Variants in NPEPL1 observed in about 807,000 individuals in gnomAD.
The protein encoded by NPEPL1 is aminopeptidase like 1.
Under a neutral mutation model 52.4 loss-of-function variants are expected in NPEPL1, and 45 were observed. The observed-to-expected ratio is 0.86, with a 90% CI of 0.68 to 1.10. The LOEUF (loss-of-function observed/expected upper bound fraction) is 1.10, where lower values mean the gene tolerates loss of function less well. Among genes scored for constraint, NPEPL1 ranks in the 50% least tolerant of loss-of-function variants. NPEPL1 has a pLI of 0.00. For missense variants in NPEPL1, 696 were observed against 710.9 expected, an observed-to-expected ratio of 0.98 and a Z score of 0.24; for synonymous variants, 360 against 314.7, an observed-to-expected ratio of 1.14 and a Z score of -1.52.
chr20:58,712,024 T>C (rs79387457), intron 7 of NPEPL1, among the ~76,000 whole-genome samples: 2,501 of 152,334 alleles, frequency 0.016, 57 homozygotes, highest in African/African-American at 0.057. Flanking sequence ...CATTTCTCAG[T>C]GAACAAATGA....
At chr20:58,701,923 A>G (rs6026453) in intron 6 of NPEPL1, among the ~76,000 whole-genome samples, 52,964 of 152,034 alleles carry the variant, frequency 0.35, 12,691 homozygotes, top group African/African-American at 0.68. Flanking sequence ...GTCGTGGCCG[A>G]GTCTGCCCGC....
chr20:58,707,038 G>A, intron 6 of NPEPL1, 85 bp from the exon 7 acceptor site: 1 of 1,374,266 alleles, frequency 7.3e-7, no homozygotes, highest in East Asian at 2.5e-5. Context: ...GGCTAGCGTG[G>A]GGCCGGGTGG....
At chr20:58,693,369 G>C (rs2084395135) in intron 1 of NPEPL1, 1 of 183,506 alleles carries the variant, frequency 5.4e-6, no homozygotes, top group African/African-American at 2.3e-5. Context: ...CTGGCGACAG[G>C]CCCTGGCTTC....
In NPEPL1 at chr20:58,694,113, G is replaced by A. The variant is rs534869985; in HGVS notation, c.336+191G>A. Among the ~76,000 whole-genome samples the A allele has an allele frequency of 9.2e-5, 14 of 152,322 alleles. No individual in the cohort carries two copies. The East Asian group carries it at 2.7e-3, about 29-fold the overall frequency. ...GATTTGCCCCAGATCAGTTTTGGTG[G>A]CAAATCAGAGACTCAAACCTAGATT... On this transcript the variant is annotated intron_variant, in intron 2 of 11. Transcript: ENST00000356091.
upstream of NPEPL1, chr20:58,691,341 A>AATG (rs2084338764): frequency 9.4e-6 from 5 of 532,776 alleles, no homozygotes; most frequent in Admixed American, 3.3e-5. Context: ...GTTTCAAAGG[A>AATG]ATGCCTTTCA....
At chr20:58,694,997 T>TGTTGCTGTGTATGAGTGTTG (rs2084434819) in intron 3 of NPEPL1, among the ~76,000 whole-genome samples, 1 of 4,786 alleles carries the variant, frequency 2.1e-4, no homozygotes, top group Non-Finnish European at 5.3e-4. Context: ...GTGGGGGGTG[T>TGTTGCTGTGTATGAGTGTTG]GTGTGTGCAT....
Position 58,714,512 on chromosome 20 carries a change from G to A in NPEPL1, c.1303-48G>A, listed in dbSNP as rs372166961. 193 of 1,386,638 alleles carry A rather than the reference G, an allele frequency of 1.4e-4. No individual in the cohort carries two copies. The African/African-American group carries it at 2.3e-3, about 17-fold the overall frequency. 85.9% of individuals were successfully genotyped at this position (1,386,638 alleles called of 1,614,324 possible). On this transcript the variant is annotated intron_variant, in intron 10 of 11. Coordinates refer to ENST00000356091, the MANE Select transcript of NPEPL1 (RefSeq NM_024663.4). ...CAGGCGATGGGGCAGGGTGGAGAGGGCCCGGCCGGAGCAACCCACAGGCAC... is the reference window on the plus strand; with the variant it reads ...CAGGCGATGGGGCAGGGTGGAGAGGACCCGGCCGGAGCAACCCACAGGCAC...
chr20:58,714,630 G>A lies in NPEPL1; in HGVS notation c.1373G>A (p.Gly458Glu), dbSNP rs1202020887. 4 of 1,596,562 alleles carry A rather than the reference G, an allele frequency of 2.5e-6. No homozygotes were observed. Among genetic ancestry groups the A allele is most frequent in the Non-Finnish European group, 1.7e-6 (2 of 1,173,178 alleles). ...TCACACATCGGCTTCGACTGGCCCG[G>A]AGTCTGGGTCCACCTGGACATTGCT... is the stretch of plus-strand genomic sequence containing the variant. ...IASHIGFDWPGVWVHLDIAAP... is the reference protein window; with the variant it reads ...IASHIGFDWPEVWVHLDIAAP... Residue 458 changes from glycine to glutamate, a missense_variant, in exon 11 of 12, where the codon GGA becomes GAA. Physicochemically the swap from Gly to Glu is moderately conservative, Grantham distance 98. Coordinates refer to ENST00000356091, the MANE Select transcript of NPEPL1 (RefSeq NM_024663.4).
intron 3 of NPEPL1, 112 bp from the exon 4 acceptor site, chr20:58,698,572 C>T: frequency 1.2e-6 from 1 of 860,130 alleles, no homozygotes; most frequent in Non-Finnish European, 1.9e-6. Context: ...GCTGCCCTGT[C>T]AGTAGCCCTG....
intron 3 of NPEPL1, among the ~76,000 whole-genome samples, chr20:58,694,961 TGA>T (rs1377195829): frequency 7.3e-5 from 4 of 54,734 alleles, no homozygotes; most frequent in Non-Finnish European, 1.6e-4. Flanking sequence ...TGTGCGTGTA[TGA>T]GTGTATGTGC....
At chr20:58,695,430 C>T (rs528267510) in intron 3 of NPEPL1, among the ~76,000 whole-genome samples, 6 of 152,264 alleles carry the variant, frequency 3.9e-5, no homozygotes, top group East Asian at 1.9e-4. Flanking sequence ...GCTGCAAGGC[C>T]GGAAGTGATT....
At chr20:58,703,518 C>G (rs2084677076) in intron 6 of NPEPL1, 1 of 985,298 alleles carries the variant, frequency 1.0e-6, no homozygotes, top group African/African-American at 1.7e-5. Context: ...TACATTCTGG[C>G]TGGTAGAGTC....
chr20:58,691,536 C>G (rs6128401), upstream of NPEPL1: 238,230 of 658,224 alleles, frequency 0.36, 44,598 homozygotes, highest in East Asian at 0.44. Flanking sequence ...GCTGAGCAGA[C>G]AGACCTGGAG....
At chr20:58,693,630 C>A in intron 1 of NPEPL1, 107 bp from the exon 2 acceptor site, 1 of 972,162 alleles carries the variant, frequency 1.0e-6, no homozygotes, top group Non-Finnish European at 1.6e-6. Flanking sequence ...TGCGCAGTGC[C>A]CTTCCAGGAC....
chr20:58,714,108 T>C lies in NPEPL1; in HGVS notation c.1302+15T>C. ...ACTCAGTGGCGGTAGGTTTGGAGCC[T>C]CGAACCTGGAGCCTGCCACATGGGT... On this transcript the variant is annotated intron_variant, in intron 10 of 11. Coordinates refer to ENST00000356091, the MANE Select transcript of NPEPL1 (RefSeq NM_024663.4). 1 of 1,533,956 alleles carries C rather than the reference T, an allele frequency of 6.5e-7. No homozygotes were observed.
At chr20:58,700,800 T>C (rs1257391739) in intron 5 of NPEPL1, among the ~76,000 whole-genome samples, 1 of 152,226 alleles carries the variant, frequency 6.6e-6, no homozygotes, top group African/African-American at 2.4e-5. Context: ...CAAACAACAC[T>C]TTGCATAGAA....
intron 7 of NPEPL1, among the ~76,000 whole-genome samples, chr20:58,711,958 A>T: frequency 2.8e-5 from 1 of 36,152 alleles, no homozygotes; most frequent in East Asian, 1.4e-3. Flanking sequence ...CTTCGGGGTC[A>T]GGGGGCACCC....
In NPEPL1 at chr20:58,692,996, C is replaced by T; in HGVS notation, c.96C>T (p.His32=). The change falls in exon 1 of 12, where the codon CAC becomes CAT. Residue 32 remains histidine, a synonymous_variant. Coordinates refer to ENST00000356091, the MANE Select transcript of NPEPL1 (RefSeq NM_024663.4). This position sits in a 1 kb window ranked among gnomAD's most constrained non-coding sequence, Gnocchi z 5.7. ...LLLLGQLHHL[H]RVPWSHVRGK... is the part of the protein sequence containing the mutation. ...TGCTCGGGCAGCTGCACCACCTGCA[C>T]CGCGTGCCCTGGAGCCACGTCCGCG... The T allele has an allele frequency of 2.6e-6, 3 of 1,159,416 alleles. No individual in the cohort carries two copies. The highest frequency in any genetic ancestry group is 3.2e-6 in the Non-Finnish European group (3 of 924,736). The allele number at this position is 1,159,416 out of a possible 1,614,324, so 71.8% of individuals were successfully genotyped here.
intron 6 of NPEPL1, among the ~76,000 whole-genome samples, chr20:58,701,652 C>T (rs2084625180): frequency 6.6e-6 from 1 of 152,170 alleles, no homozygotes. Flanking sequence ...GGGCTTGCTG[C>T]TTGGGGGCTT....
Sources: gnomAD v4.1 joint callset for allele counts (sites outside exome capture counted in the v4.1 genomes callset) on GRCh38, gnomAD v4.1.1 for gene constraint, Gnocchi (gnomAD v3.1) non-coding constraint, MANE v1.5 for transcripts, NCBI Gene and HGNC (gene_info 2026-07-23, HGNC 2026-07-21) for gene names.